The following TAFA1 variants were observed in gnomAD, a reference collection of about 807,000 sequenced individuals.
TAFA1 encodes TAFA chemokine like family member 1.
A neutral mutation model predicts 18.5 loss-of-function variants in TAFA1; 4 were observed. The observed-to-expected ratio is 0.22, with a 90% CI of 0.11 to 0.49. TAFA1 has a LOEUF of 0.49. TAFA1 is among the 20% of genes least tolerant of loss of function. The pLI is 0.98. For missense variants in TAFA1, 147 were observed against 169.0 expected (o/e 0.87, Z 0.72); for synonymous variants, 56 against 55.2 (o/e 1.01, Z -0.06).
intron 3 of TAFA1, among the ~76,000 whole-genome samples, chr3:68,522,736 T>G (rs1310541712): frequency 1.3e-5 from 2 of 150,548 alleles, no homozygotes; most frequent in African/African-American, 2.5e-5. Context: ...GTAATCCCAG[T>G]TACTCTGGAG....
intron 2 of TAFA1, among the ~76,000 whole-genome samples, chr3:68,052,863 G>T (rs1159475317): frequency 6.6e-6 from 1 of 152,132 alleles, no homozygotes; most frequent in Non-Finnish European, 1.5e-5. Flanking sequence ...TAATTAATAA[G>T]GGGAACAGGA....
chr3:68,221,619 G>T (rs751762674), intron 2 of TAFA1, among the ~76,000 whole-genome samples: 1 of 152,020 alleles, frequency 6.6e-6, no homozygotes, highest in Non-Finnish European at 1.5e-5. Flanking sequence ...AACAACTGGG[G>T]TAAAATTTCC....
intron 2 of TAFA1, among the ~76,000 whole-genome samples, chr3:68,059,010 A>G (rs945208559): frequency 2.0e-5 from 3 of 152,192 alleles, no homozygotes; most frequent in African/African-American, 7.2e-5. Flanking sequence ...CATGATAATG[A>G]GTAATAAGTT....
intron 3 of TAFA1, among the ~76,000 whole-genome samples, chr3:68,507,422 A>G (rs1384048248): frequency 6.6e-6 from 1 of 152,080 alleles, no homozygotes; most frequent in African/African-American, 2.4e-5. Flanking sequence ...TATGCTTTTT[A>G]AATTATATAA....
At chr3:68,460,706 G>GA (rs1559678950) in intron 3 of TAFA1, among the ~76,000 whole-genome samples, 2 of 152,002 alleles carry the variant, frequency 1.3e-5, no homozygotes, top group African/African-American at 4.8e-5. Context: ...GGAGTGGCTC[G>GA]TTAACACACA....
intron 2 of TAFA1, among the ~76,000 whole-genome samples, chr3:68,401,729 A>G (rs115248561): frequency 0.016 from 2,366 of 152,294 alleles, 72 homozygotes; most frequent in African/African-American, 0.048. Context: ...CCACTTGGTC[A>G]CTAGAGATGT....
chr3:68,390,989 A>G (rs2070228189), intron 2 of TAFA1, among the ~76,000 whole-genome samples: 1 of 152,174 alleles, frequency 6.6e-6, no homozygotes, highest in African/African-American at 2.4e-5. Context: ...GCAAGGGAAC[A>G]AAACTGGACT....
At chr3:68,400,027 C>A (rs530149023) in intron 2 of TAFA1, among the ~76,000 whole-genome samples, 1 of 152,172 alleles carries the variant, frequency 6.6e-6, no homozygotes, top group Non-Finnish European at 1.5e-5. Context: ...CCCAATGTTT[C>A]CACACAGCCC....
At chr3:68,268,746 G>A (rs543103880) in intron 2 of TAFA1, among the ~76,000 whole-genome samples, 1 of 152,166 alleles carries the variant, frequency 6.6e-6, no homozygotes, top group East Asian at 1.9e-4. Context: ...TGCTGTAGGG[G>A]CTGCTAATGT....
chr3:68,439,090 T>C (rs1274306148), intron 3 of TAFA1, among the ~76,000 whole-genome samples: 1 of 152,078 alleles, frequency 6.6e-6, no homozygotes, highest in Non-Finnish European at 1.5e-5. Flanking sequence ...TCCATGCTAA[T>C]CTCTTTAGGA....
chr3:68,262,242 A>C (rs1575723143), intron 2 of TAFA1, among the ~76,000 whole-genome samples: 1 of 142,190 alleles, frequency 7.0e-6, no homozygotes, highest in African/African-American at 2.6e-5. Flanking sequence ...GATTACCCAA[A>C]CCCTAAGTCC....
intron 2 of TAFA1, among the ~76,000 whole-genome samples, chr3:68,053,657 G>A (rs375953252): frequency 6.6e-6 from 1 of 152,076 alleles, no homozygotes; most frequent in African/African-American, 2.4e-5. Flanking sequence ...GCAAAGCAGA[G>A]CCACAAAAAA....
chr3:68,098,775 T>G (rs1359095827), intron 2 of TAFA1, among the ~76,000 whole-genome samples: 4 of 152,196 alleles, frequency 2.6e-5, no homozygotes, highest in Admixed American at 2.6e-4. Context: ...TTGCAGTAAC[T>G]GGTACAACAT....
At chr3:68,203,898 C>A (rs1243592805) in intron 2 of TAFA1, among the ~76,000 whole-genome samples, 1 of 151,632 alleles carries the variant, frequency 6.6e-6, no homozygotes, top group African/African-American at 2.4e-5. Context: ...CCAATATTCA[C>A]TGTGAGAACC....
chr3:68,080,705 T>G (rs1406491941), intron 2 of TAFA1, among the ~76,000 whole-genome samples: 4 of 152,218 alleles, frequency 2.6e-5, no homozygotes, highest in Admixed American at 6.5e-5. Flanking sequence ...ATGGCTTCCC[T>G]TTGAGGGTAA....
intron 2 of TAFA1, among the ~76,000 whole-genome samples, chr3:68,143,985 CTT>C (rs765248842): frequency 1.4e-5 from 2 of 141,768 alleles, no homozygotes; most frequent in Admixed American, 7.0e-5. Flanking sequence ...CTGGAGGAGT[CTT>C]TTTTTTTTTT....
rs1313184223 is a variant in TAFA1 at position 68,487,908 on chromosome 3, A to G, written c.260-50848A>G. ...TTGCTTGTTCTTTTTATTGGCATGTATTGGAGGGTTTTACAGAAAGAAGCC... is the reference window on the plus strand; with the variant it reads ...TTGCTTGTTCTTTTTATTGGCATGTGTTGGAGGGTTTTACAGAAAGAAGCC... On this transcript the variant is annotated intron_variant, in intron 3 of 4. Transcript: ENST00000478136. Among the ~76,000 whole-genome samples, 8 of 151,692 alleles carry G rather than the reference A, an allele frequency of 5.3e-5. No individual in the cohort carries two copies. The East Asian group carries it at 7.7e-4, about 15-fold the overall frequency.
intron 2 of TAFA1, among the ~76,000 whole-genome samples, chr3:68,304,604 T>G (rs2068371746): frequency 6.6e-6 from 1 of 152,200 alleles, no homozygotes; most frequent in Non-Finnish European, 1.5e-5. Context: ...GGAAATGAGA[T>G]AAATTCTTTA....
At chr3:68,246,440 A>C (rs1405966013) in intron 2 of TAFA1, among the ~76,000 whole-genome samples, 1 of 151,550 alleles carries the variant, frequency 6.6e-6, no homozygotes, top group African/African-American at 2.4e-5. Flanking sequence ...AATACAAAAA[A>C]TTAGCCGGGC....
Sources: allele counts gnomAD v4.1 joint callset (sites outside exome capture counted in the v4.1 genomes callset), GRCh38; gene constraint gnomAD v4.1.1; transcripts MANE v1.5; gene names NCBI Gene and HGNC (gene_info 2026-07-23, HGNC 2026-07-21).